Variants in FILIP1 observed in about 807,000 individuals in gnomAD.
FILIP1 encodes filamin-A-interacting protein 1.
In FILIP1, 61 loss-of-function variants were observed where a neutral mutation model predicts 102.1. The observed-to-expected ratio is 0.60, with a 90% CI of 0.49 to 0.74. The LOEUF is 0.74. Among genes scored for constraint, FILIP1 ranks in the 30% least tolerant of loss-of-function variants. FILIP1 has a pLI of 0.00. For synonymous variants in FILIP1, 491 were observed against 526.9 expected, an observed-to-expected ratio of 0.93 and a Z score of 0.93; for missense variants, 1,314 against 1,441.2, an observed-to-expected ratio of 0.91 and a Z score of 1.43.
chr6:75,383,907 T>C (rs1331866204), intron 2 of FILIP1, among the ~76,000 whole-genome samples: 1 of 152,186 alleles, frequency 6.6e-6, no homozygotes, highest in Non-Finnish European at 1.5e-5. Flanking sequence ...CTTAATATTA[T>C]ACTTTATAAA....
At chr6:75,427,793 C>G (rs1319159840) in intron 1 of FILIP1, among the ~76,000 whole-genome samples, 2 of 152,202 alleles carry the variant, frequency 1.3e-5, no homozygotes, top group East Asian at 3.8e-4. Flanking sequence ...CAAGCCCAAA[C>G]ATGACCCCTC....
intron 4 of FILIP1, among the ~76,000 whole-genome samples, chr6:75,344,154 T>G (rs1040161583): frequency 6.6e-6 from 1 of 152,124 alleles, no homozygotes; most frequent in Admixed American, 6.6e-5. Flanking sequence ...TCTGGTGTGG[T>G]TTTTTTGTTT....
chr6:75,397,243 T>C (rs928868303), intron 2 of FILIP1, among the ~76,000 whole-genome samples: 2 of 151,876 alleles, frequency 1.3e-5, no homozygotes, highest in African/African-American at 4.8e-5. Context: ...ACCTATTTAA[T>C]AAATATAAAA....
At chr6:75,448,884 C>A (rs1476951736) in intron 1 of FILIP1, among the ~76,000 whole-genome samples, 2 of 152,094 alleles carry the variant, frequency 1.3e-5, no homozygotes, top group Non-Finnish European at 2.9e-5. Context: ...GGAATGTAAA[C>A]TAGTACAACT....
intron 2 of FILIP1, among the ~76,000 whole-genome samples, chr6:75,411,369 C>G (rs951618755): frequency 6.6e-6 from 1 of 152,076 alleles, no homozygotes; most frequent in Non-Finnish European, 1.5e-5. Flanking sequence ...CTGTAGGTTG[C>G]CTGTTCATGC....
rs769596088 is a variant in FILIP1 at position 75,362,697 on chromosome 6, C to T, written c.450+47G>A. ...TGTAAATGGAAGAATGTGAAGATATCTCCCTGAGGTTCCCATCCAGGGGAC... is the reference window on the plus strand; with the variant it reads ...TGTAAATGGAAGAATGTGAAGATATTTCCCTGAGGTTCCCATCCAGGGGAC... On this transcript the variant is annotated intron_variant, in intron 3 of 5. Coordinates refer to ENST00000237172, the MANE Select transcript of FILIP1 (RefSeq NM_015687.5). 4 of 1,570,754 alleles carry T rather than the reference C, an allele frequency of 2.5e-6. No individual in the cohort carries two copies. In the South Asian group the frequency reaches 4.5e-5, roughly 18 times the overall value.
intron 1 of FILIP1, among the ~76,000 whole-genome samples, chr6:75,434,699 C>T (rs1158650706): frequency 6.6e-6 from 1 of 152,168 alleles, no homozygotes; most frequent in Non-Finnish European, 1.5e-5. Context: ...TGCCTGATTG[C>T]CCTGGCCAGA....
At chr6:75,299,578 T>C (rs1182756306) in intron 6 of FILIP1, among the ~76,000 whole-genome samples, 3 of 152,194 alleles carry the variant, frequency 2.0e-5, no homozygotes, top group Non-Finnish European at 4.4e-5. Context: ...TTTTATATAT[T>C]TTTGACATTA....
chr6:75,335,949 T>C (rs1363253861), intron 4 of FILIP1, among the ~76,000 whole-genome samples: 1 of 152,208 alleles, frequency 6.6e-6, no homozygotes, highest in African/African-American at 2.4e-5. Context: ...TGTTTCAAGG[T>C]TGTAGTACTA....
chr6:75,463,017 C>T (rs1562635908), intron 1 of FILIP1, among the ~76,000 whole-genome samples: 1 of 152,096 alleles, frequency 6.6e-6, no homozygotes, highest in Non-Finnish European at 1.5e-5. Flanking sequence ...TTCACAGTGG[C>T]CACAGAATGG....
chr6:75,426,518 C>T (rs1446310468), intron 1 of FILIP1, among the ~76,000 whole-genome samples: 1 of 152,090 alleles, frequency 6.6e-6, no homozygotes, highest in African/African-American at 2.4e-5. Context: ...ACAGAAGTGG[C>T]CACGTGCCCA....
chr6:75,336,690 T>A (rs1186525905), intron 4 of FILIP1, among the ~76,000 whole-genome samples: 2 of 152,180 alleles, frequency 1.3e-5, no homozygotes, highest in Non-Finnish European at 2.9e-5. Flanking sequence ...AATGTTTTAT[T>A]ACCTTTAAAA....
chr6:75,398,907 A>G (rs1221773186), intron 2 of FILIP1: 2 of 152,204 alleles, frequency 1.3e-5, no homozygotes, highest in East Asian at 3.8e-4. Context: ...AAGGAAGAGA[A>G]GATGGGCCAT....
chr6:75,478,719 A>G (rs1323348038), intron 1 of FILIP1, among the ~76,000 whole-genome samples: 1 of 152,222 alleles, frequency 6.6e-6, no homozygotes, highest in Non-Finnish European at 1.5e-5. Context: ...ACCTTGAGAA[A>G]GTTTAAACTT....
chr6:75,378,973 C>T (rs1399001587), intron 2 of FILIP1, among the ~76,000 whole-genome samples: 1 of 152,138 alleles, frequency 6.6e-6, no homozygotes, highest in African/African-American at 2.4e-5. Context: ...ACCCTCATTT[C>T]AAAGATCCTG....
chr6:75,327,692 A>C (rs983195871), intron 4 of FILIP1, among the ~76,000 whole-genome samples: 2 of 151,704 alleles, frequency 1.3e-5, no homozygotes, highest in Non-Finnish European at 2.9e-5. Context: ...ATTAAGAGAT[A>C]TATATTAACG....
intron 1 of FILIP1, among the ~76,000 whole-genome samples, chr6:75,451,958 C>G (rs1260752095): frequency 6.6e-6 from 1 of 152,142 alleles, no homozygotes; most frequent in Non-Finnish European, 1.5e-5. Flanking sequence ...AAAAATTCCA[C>G]TTTTTCTTCC....
chr6:75,329,893 C>T (rs1364442806), intron 4 of FILIP1, among the ~76,000 whole-genome samples: 1 of 152,038 alleles, frequency 6.6e-6, no homozygotes, highest in Non-Finnish European at 1.5e-5. Flanking sequence ...TATCCATGAC[C>T]TCAAGCATAT....
chr6:75,346,381 C>T (rs1774585865), intron 4 of FILIP1, among the ~76,000 whole-genome samples: 1 of 152,146 alleles, frequency 6.6e-6, no homozygotes, highest in African/African-American at 2.4e-5. Flanking sequence ...GCTGTTAGCT[C>T]ATTAACTTTG....
Sources: gnomAD v4.1 joint callset for allele counts (sites outside exome capture counted in the v4.1 genomes callset) on GRCh38, gnomAD v4.1.1 for gene constraint, MANE v1.5 for transcripts, NCBI Gene and HGNC (gene_info 2026-07-23, HGNC 2026-07-21) for gene names.